The following AVEN variants were observed in gnomAD, a reference collection of about 807,000 sequenced individuals.
The protein encoded by AVEN is apoptosis and caspase activation inhibitor, also known as cell death regulator Aven.
A neutral mutation model predicts 38.1 loss-of-function variants in AVEN; 41 were observed. The observed-to-expected ratio is 1.08, with a 90% CI of 0.84 to 1.40. The LOEUF is 1.40. Ranked by LOEUF, AVEN falls within the 40% of genes most tolerant of loss-of-function variation. The pLI is 0.00. For missense variants in AVEN, 605 were observed against 438.8 expected, an observed-to-expected ratio of 1.38 and a Z score of -3.38; for synonymous variants, 206 against 171.8, an observed-to-expected ratio of 1.20 and a Z score of -1.56.
intron 2 of AVEN, among the ~76,000 whole-genome samples, chr15:33,984,556 T>A (rs959505869): frequency 6.6e-6 from 1 of 152,054 alleles, no homozygotes; most frequent in East Asian, 1.9e-4. Context: ...GCATGCTCCA[T>A]CACACCCGGC....
downstream of AVEN, chr15:33,854,796 A>G (rs898508812): frequency 1.9e-6 from 3 of 1,613,000 alleles, no homozygotes; most frequent in African/African-American, 1.3e-5. Flanking sequence ...GTATACAACC[A>G]TGTCAGTCCT....
At chr15:34,020,310 CA>C (rs5811813) in intron 1 of AVEN, among the ~76,000 whole-genome samples, 93,710 of 147,438 alleles carry the variant, frequency 0.64, 34,162 homozygotes, top group Non-Finnish European at 0.82. Flanking sequence ...GACTCCATCT[CA>C]AAAAAAAAAG....
At chr15:33,966,667 G>C (rs1344112251) in intron 2 of AVEN, among the ~76,000 whole-genome samples, 1 of 152,138 alleles carries the variant, frequency 6.6e-6, no homozygotes, top group Non-Finnish European at 1.5e-5. Flanking sequence ...GATGAGATAA[G>C]AGTGAGAAGA....
downstream of AVEN, among the ~76,000 whole-genome samples, chr15:33,855,338 G>A (rs1253106148): frequency 6.6e-6 from 1 of 152,152 alleles, no homozygotes; most frequent in Non-Finnish European, 1.5e-5. Flanking sequence ...AGAGTAGCTG[G>A]GATTACAGGC....
chr15:34,013,788 G>C (rs192374163), intron 1 of AVEN, among the ~76,000 whole-genome samples: 37 of 152,348 alleles, frequency 2.4e-4, no homozygotes, highest in South Asian at 6.2e-4. Flanking sequence ...TTGTGAGCCA[G>C]TGGGAAGCAG....
chr15:34,030,446 T>C (rs1040109444), intron 1 of AVEN, among the ~76,000 whole-genome samples: 3 of 151,722 alleles, frequency 2.0e-5, no homozygotes, highest in Non-Finnish European at 4.4e-5. Context: ...CCCAGGTTCA[T>C]GCCATTCTCC....
Position 33,868,841 on chromosome 15 carries a change from G to C in AVEN, c.613-986C>G, listed in dbSNP as rs1597168774. On this transcript the variant is annotated intron_variant, in intron 4 of 5. Coordinates refer to ENST00000306730, the MANE Select transcript of AVEN (RefSeq NM_020371.3). ...CAATATTCTAAGTCTTTATCCGGAT[G>C]CTCATTCCATGTATACTTACATGTG... Among the ~76,000 whole-genome samples, 3 of 152,280 alleles carry C rather than the reference G, an allele frequency of 2.0e-5. No individual in the cohort carries two copies. In the South Asian group the frequency reaches 6.2e-4, roughly 32 times the overall value.
At chr15:34,041,214 A>G (rs563619992), upstream of AVEN, among the ~76,000 whole-genome samples, 15 of 152,292 alleles carry the variant, frequency 9.8e-5, no homozygotes, top group East Asian at 1.9e-4. Flanking sequence ...CCTCATTAAG[A>G]CAACCAAAAA....
intron 2 of AVEN, among the ~76,000 whole-genome samples, chr15:33,999,791 C>T (rs548902751): frequency 2.6e-5 from 4 of 152,232 alleles, no homozygotes; most frequent in African/African-American, 4.8e-5. Context: ...CTAGTCTACC[C>T]GCTCCCCTCT....
intron 2 of AVEN, among the ~76,000 whole-genome samples, chr15:33,944,636 C>T (rs577037872): frequency 2.0e-5 from 3 of 152,172 alleles, no homozygotes; most frequent in Admixed American, 6.5e-5. Context: ...GGTGAAACCC[C>T]GTCTCTATTA....
chr15:33,976,864 T>G (rs1171273607), intron 2 of AVEN, among the ~76,000 whole-genome samples: 1 of 152,184 alleles, frequency 6.6e-6, no homozygotes, highest in Non-Finnish European at 1.5e-5. Flanking sequence ...ACTTTATTTT[T>G]CTATGCCTTT....
intron 2 of AVEN, among the ~76,000 whole-genome samples, chr15:33,927,733 T>A (rs117940086): frequency 2.0e-4 from 30 of 152,334 alleles, no homozygotes; most frequent in Admixed American, 8.5e-4. Flanking sequence ...AAGAAAGATA[T>A]TTTAACTGCA....
chr15:33,866,164 C>G (rs561673042), downstream of AVEN: 26 of 172,028 alleles, frequency 1.5e-4, no homozygotes, highest in East Asian at 2.5e-3. Context: ...CACTCTGTGA[C>G]TGCTGGGAAA....
intron 5 of AVEN, among the ~76,000 whole-genome samples, chr15:34,056,817 G>A (rs1181424746): frequency 6.6e-6 from 1 of 152,118 alleles, no homozygotes; most frequent in Non-Finnish European, 1.5e-5. Flanking sequence ...AGGAGTTCGA[G>A]GCCAGGAGTT....
At chr15:33,954,191 T>C (rs981009859) in intron 2 of AVEN, among the ~76,000 whole-genome samples, 1 of 152,148 alleles carries the variant, frequency 6.6e-6, no homozygotes, top group African/African-American at 2.4e-5. Flanking sequence ...GGAACGCTTT[T>C]ACACTGTTGG....
rs74512543 is a variant in AVEN, at chr15:33,902,877, C to T, written c.446-26882G>A. 2.0e-3 allele frequency among the ~76,000 whole-genome samples: 306 copies of T among 152,126 alleles called. 7 individuals are homozygous for T. The East Asian group carries it at 0.047, about 23-fold the overall frequency. On this transcript the variant is annotated intron_variant, in intron 2 of 5. Transcript: ENST00000306730. The stretch of plus-strand genomic sequence containing the variant: ...AAACTAATTAATTTATCCATTAATC[C>T]TGTGTGTTTATCTTTAGCAGTCTCT...
intron 2 of AVEN, among the ~76,000 whole-genome samples, chr15:33,939,196 C>G (rs569416888): frequency 6.6e-6 from 1 of 152,168 alleles, no homozygotes. Context: ...GCCTTGAGAC[C>G]ACAGGGAGGG....
chr15:34,008,787 C>T (rs1189141335), intron 1 of AVEN, among the ~76,000 whole-genome samples: 1 of 151,950 alleles, frequency 6.6e-6, no homozygotes, highest in Non-Finnish European at 1.5e-5. Flanking sequence ...CGTGCCTAGC[C>T]GATGAAAAAC....
intron 4 of AVEN, among the ~76,000 whole-genome samples, chr15:33,868,406 G>C (rs1890789116): frequency 1.3e-5 from 2 of 151,888 alleles, no homozygotes; most frequent in Non-Finnish European, 2.9e-5. Flanking sequence ...AATTAGCCAG[G>C]AGTGGTGGAG....
Sources: allele counts gnomAD v4.1 joint callset (sites outside exome capture counted in the v4.1 genomes callset), GRCh38; gene constraint gnomAD v4.1.1; transcripts MANE v1.5; gene names NCBI Gene and HGNC (gene_info 2026-07-23, HGNC 2026-07-21).